The following OCA2 variants were observed in gnomAD, a reference collection of about 807,000 sequenced individuals.
OCA2 encodes P protein.
In OCA2, 77 loss-of-function variants were observed where a neutral mutation model predicts 100.2. The ratio of observed to expected loss-of-function variants is 0.77; its 90% CI spans 0.64 to 0.93. The LOEUF is 0.93. OCA2 is among the 40% of genes least tolerant of loss of function. The pLI is 0.00. For synonymous variants in OCA2, 432 were observed against 439.2 expected, an observed-to-expected ratio of 0.98 and a Z score of 0.21; for missense variants, 1,062 against 1,089.1, an observed-to-expected ratio of 0.98 and a Z score of 0.35.
chr15:27,817,125 C>T (rs1011669742), intron 23 of OCA2, among the ~76,000 whole-genome samples: 13 of 152,316 alleles, frequency 8.5e-5, no homozygotes, highest in South Asian at 2.1e-4. Flanking sequence ...CTGGAACCCA[C>T]GCTATCCTGT....
chr15:27,990,521 T>C (rs1373651041), intron 10 of OCA2, 55 bp downstream of exon 10: 6 of 1,536,346 alleles, frequency 3.9e-6, no homozygotes, highest in African/African-American at 2.7e-5. Flanking sequence ...TGGAACATCT[T>C]TGAGCTGACA....
intron 19 of OCA2, among the ~76,000 whole-genome samples, chr15:27,875,592 A>G (rs933194451): frequency 1.3e-5 from 2 of 152,108 alleles, no homozygotes; most frequent in Non-Finnish European, 2.9e-5. Flanking sequence ...CTGTAAGTCA[A>G]TGTGGGAAGA....
intron 19 of OCA2, among the ~76,000 whole-genome samples, chr15:27,910,963 A>AG (rs1200046240): frequency 6.6e-6 from 1 of 152,072 alleles, no homozygotes; most frequent in Non-Finnish European, 1.5e-5. Context: ...CTAAAAAAAA[A>AG]GAAAGAAAGA....
At chr15:27,828,135 C>A (rs1234473341) in intron 23 of OCA2, among the ~76,000 whole-genome samples, 1 of 152,100 alleles carries the variant, frequency 6.6e-6, no homozygotes, top group Admixed American at 6.6e-5. Flanking sequence ...GCGCCAGGGC[C>A]CTGTCTGCCC....
At chr15:27,983,278 G>C (rs777185027) in intron 14 of OCA2, 67 bp downstream of exon 14, 19 of 1,591,282 alleles carry the variant, frequency 1.2e-5, no homozygotes, top group Middle Eastern at 1.9e-4. Context: ...GCGTCCATGT[G>C]GGGTAGAGCT....
At chr15:28,015,399 C>T (rs1349481414) in intron 8 of OCA2, among the ~76,000 whole-genome samples, 2 of 152,136 alleles carry the variant, frequency 1.3e-5, no homozygotes, top group South Asian at 2.1e-4. Context: ...TTTTATGGGC[C>T]GAATTATGTC....
chr15:28,027,829 G>A, intron 4 of OCA2, 42 bp downstream of exon 4: 2 of 1,604,230 alleles, frequency 1.2e-6, no homozygotes, highest in Non-Finnish European at 1.7e-6. Flanking sequence ...CGCGATGTGC[G>A]GCCACCGCTG....
chr15:27,874,324 G>A (rs2036701232), intron 19 of OCA2, among the ~76,000 whole-genome samples: 2 of 152,210 alleles, frequency 1.3e-5, no homozygotes, highest in African/African-American at 2.4e-5. Context: ...AAGCACTGAA[G>A]TCAGAGGAGG....
chr15:27,844,486 T>A (rs2035459472), intron 23 of OCA2, among the ~76,000 whole-genome samples: 1 of 152,154 alleles, frequency 6.6e-6, no homozygotes. Context: ...ATCTGAACCA[T>A]CCTCTGTGTT....
At chr15:28,080,148 G>A (rs370549132) in intron 2 of OCA2, among the ~76,000 whole-genome samples, 112 of 152,212 alleles carry the variant, frequency 7.4e-4, no homozygotes, top group East Asian at 7.3e-3. Flanking sequence ...CAGTCCTTCC[G>A]GCCATATTAG....
intron 17 of OCA2, 44 bp downstream of exon 17, chr15:27,955,114 T>G: frequency 5.8e-6 from 8 of 1,377,588 alleles, no homozygotes; most frequent in Non-Finnish European, 8.3e-6. Flanking sequence ...ACTCTCTTCT[T>G]GGAGAAGTGA....
rs955012957 is a variant in OCA2 at position 27,871,390 on chromosome 15, T to C, written c.2140-132A>G. The C allele has an allele frequency of 2.3e-5, 17 of 726,510 alleles. No homozygotes were observed. In the African/African-American group the frequency reaches 2.4e-4, roughly 10 times the overall value. 45.0% of individuals were successfully genotyped at this position (726,510 alleles called of 1,614,324 possible). Reference sequence around the variant, plus strand: ...ACCCATCACGAGACCAAGGCAGACATAGGTGTGCAAGCCAGGGCCACACCC... The same window carrying C: ...ACCCATCACGAGACCAAGGCAGACACAGGTGTGCAAGCCAGGGCCACACCC... On this transcript the variant is annotated intron_variant, in intron 20 of 23. Coordinates refer to ENST00000354638, the MANE Select transcript of OCA2 (RefSeq NM_000275.3).
chr15:28,021,220 C>T (rs1399260334), intron 6 of OCA2, among the ~76,000 whole-genome samples: 2 of 152,154 alleles, frequency 1.3e-5, no homozygotes, highest in Admixed American at 6.5e-5. Context: ...CTAGCAGTAC[C>T]GGGGGCTTCA....
At chr15:27,959,908 T>C (rs2040354300) in intron 15 of OCA2, among the ~76,000 whole-genome samples, 1 of 152,226 alleles carries the variant, frequency 6.6e-6, no homozygotes, top group Non-Finnish European at 1.5e-5. Flanking sequence ...GAATGTAATA[T>C]ACAAATTATG....
At chr15:28,068,065 T>C (rs781727962) in intron 2 of OCA2, among the ~76,000 whole-genome samples, 10 of 152,216 alleles carry the variant, frequency 6.6e-5, no homozygotes, top group African/African-American at 2.2e-4. Flanking sequence ...TTGGATTGTA[T>C]CCTTACTATG....
chr15:27,972,861 TTATTTTATTTTATTTTA>T (rs1567177254), intron 14 of OCA2, among the ~76,000 whole-genome samples: 1,309 of 54,658 alleles, frequency 0.024, 115 homozygotes, highest in Non-Finnish European at 0.048. Flanking sequence ...TTATTTTATT[TTATTTTATTTTATTTTA>T]TTTTTGTGAC....
chr15:27,757,075 C>G (rs1413742147), intron 23 of OCA2, among the ~76,000 whole-genome samples: 1 of 152,200 alleles, frequency 6.6e-6, no homozygotes, highest in African/African-American at 2.4e-5. Context: ...TCTCAACTGC[C>G]CACAGTGCCT....
At chr15:27,946,434 G>A (rs1008679732) in intron 18 of OCA2, among the ~76,000 whole-genome samples, 3 of 152,196 alleles carry the variant, frequency 2.0e-5, no homozygotes, top group Non-Finnish European at 2.9e-5. Context: ...ATAGGCTGCT[G>A]TATGTTCAAA....
intron 23 of OCA2, among the ~76,000 whole-genome samples, chr15:27,828,759 T>C (rs2034830098): frequency 6.6e-6 from 1 of 152,184 alleles, no homozygotes; most frequent in Non-Finnish European, 1.5e-5. Flanking sequence ...AAGATGTGGC[T>C]TGGGGTAAAC....
Sources: allele counts gnomAD v4.1 joint callset (sites outside exome capture counted in the v4.1 genomes callset), GRCh38; gene constraint gnomAD v4.1.1; transcripts MANE v1.5; gene names NCBI Gene and HGNC (gene_info 2026-07-23, HGNC 2026-07-21).